Variants in ZNF316 observed in about 807,000 individuals in gnomAD.
ZNF316 encodes the protein zinc finger protein 316.
Under a neutral mutation model 75.6 loss-of-function variants are expected in ZNF316, and 23 were observed. That is an observed-to-expected ratio of 0.30 (90% CI 0.22 to 0.43). ZNF316 has a LOEUF of 0.43. ZNF316 is among the 20% of genes least tolerant of loss of function. The probability of loss-of-function intolerance (pLI) is 1.00; values close to 1 mark genes in which losing one functional copy is unlikely to be tolerated. For missense variants in ZNF316, 1,266 were observed against 1,409.4 expected (o/e 0.90, Z 1.63); for synonymous variants, 827 against 666.2 (o/e 1.24, Z -3.72).
intron 8 of ZNF316, 56 bp from the exon 9 acceptor site, chr7:6,652,247 A>G: frequency 8.1e-7 from 1 of 1,230,736 alleles, no homozygotes; most frequent in Non-Finnish European, 1.0e-6. Flanking sequence ...AACCTGCCAG[A>G]GGCTCCTGTC....
chr7:6,648,915 C>T (rs1583444438), intron 8 of ZNF316, among the ~76,000 whole-genome samples: 1 of 152,078 alleles, frequency 6.6e-6, no homozygotes, highest in Non-Finnish European at 1.5e-5. Context: ...GCAGCTGTGC[C>T]TGGTGCTGAT....
Position 6,642,961 on chromosome 7 carries a change from C to A in ZNF316, c.356-3C>A. The stretch of plus-strand genomic sequence containing the variant: ...GCTGGCCCTAAGAGATCTCTCCCCA[C>A]AGGCCTGCAGGCCTCCCGGGCTCCA... On this transcript the variant is annotated splice_region_variant and splice_polypyrimidine_tract_variant and intron_variant, in intron 5 of 8. Transcript: ENST00000382252. The surrounding 1 kb of genome is among the most constrained non-coding windows in gnomAD (Gnocchi z 8.1). The A allele has an allele frequency of 8.1e-7, 1 of 1,232,510 alleles. No individual in the cohort carries two copies. Among genetic ancestry groups the A allele is most frequent in the Non-Finnish European group, 1.0e-6 (1 of 988,354 alleles). 76.3% of individuals were successfully genotyped at this position (1,232,510 alleles called of 1,614,324 possible).
chr7:6,642,773 AG>A lies in ZNF316; in HGVS notation c.355+10del. On this transcript the variant is annotated intron_variant, in intron 5 of 8. Transcript: ENST00000382252. This position sits in a 1 kb window ranked among gnomAD's most constrained non-coding sequence, Gnocchi z 8.1. ...AGTTCTTCAGGAAAAGGGTAAGAAA[AG>A]CAGCCAGCCTTGGGGAGGAGATGAA... 1.6e-6 allele frequency: 2 copies of A among 1,233,450 alleles called. No homozygotes were observed. Among genetic ancestry groups the A allele is most frequent in the Non-Finnish European group, 2.0e-6 (2 of 988,988 alleles). 76.4% of individuals were successfully genotyped at this position (1,233,450 alleles called of 1,614,324 possible). A position where few individuals can be genotyped will look rare whatever the true frequency, so the allele number is the denominator to read the frequency against.
At chr7:6,644,347 A>G (rs1399130359) in intron 7 of ZNF316, 133 bp from the exon 8 acceptor site, 3 of 441,720 alleles carry the variant, frequency 6.8e-6, no homozygotes, top group Non-Finnish European at 1.1e-5. Context: ...TGGACCCTCC[A>G]GAGCAGGGGT....
Position 6,654,291 on chromosome 7 carries a change from C to A in ZNF316, c.2695C>A (p.Arg899Ser). The A allele has an allele frequency of 1.6e-6, 2 of 1,223,774 alleles. No homozygotes were observed. The highest frequency in any genetic ancestry group is 2.0e-6 in the Non-Finnish European group (2 of 982,376). 75.8% of individuals were successfully genotyped at this position (1,223,774 alleles called of 1,614,324 possible). ...CPECGKRFSQ[R>S]SVLVTHQRTH... ...TGAGTGCGGCAAGCGCTTTTCGCAG[C>A]GCTCGGTGCTGGTCACGCACCAGCG... Residue 899 changes from arginine to serine, a missense_variant, in exon 9 of 9, where the codon CGC (arginine) becomes AGC (serine). Arg to Ser is a moderately radical substitution (Grantham distance 110). Transcript: ENST00000382252.
intron 8 of ZNF316, among the ~76,000 whole-genome samples, chr7:6,651,296 G>A (rs545222532): frequency 6.6e-6 from 1 of 152,070 alleles, no homozygotes; most frequent in South Asian, 2.1e-4. Flanking sequence ...GTTGCGGTGG[G>A]CCGAGATTCG....
Position 6,657,820 on chromosome 7 carries a change from C to A in ZNF316, c.*3209C>A, listed in dbSNP as rs1464922. On this transcript the variant is annotated 3_prime_UTR_variant, in exon 9 of 9. Transcript: ENST00000382252. ...CTCCAGCCTGGGTGACAGAACAAGA[C>A]CCTATCTCACCAAAAAAAAAAAAAA... Among the ~76,000 whole-genome samples the A allele has an allele frequency of 0.16, 21,141 of 132,254 alleles. 3,127 individuals carry two copies. Among genetic ancestry groups the A allele is most frequent in the African/African-American group, 0.39 (13,471 of 34,914 alleles). The allele number at this position is 132,254 out of a possible 152,430, so 86.8% of individuals were successfully genotyped here.
rs1040162176 is a variant in ZNF316 at position 6,649,017 on chromosome 7, G to A, written c.707-3286G>A. Among the ~76,000 whole-genome samples the A allele has an allele frequency of 1.2e-4, 18 of 152,280 alleles. 2 individuals carry two copies. The highest frequency in any genetic ancestry group is 5.2e-4 in the Admixed American group (8 of 15,300). The stretch of plus-strand genomic sequence containing the variant: ...CATTCCCTTGCACCCAGCCTGCTGG[G>A]GTGGTCTCCCTCTCCATCAGCTCCT... On this transcript the variant is annotated intron_variant, in intron 8 of 8. Transcript: ENST00000382252.
In ZNF316 at chr7:6,655,788, G is replaced by GT. The variant is rs1015713264; in HGVS notation, c.*1177_*1178insT. 6.6e-6 allele frequency: 1 copy of GT among 152,164 alleles called. No individual in the cohort carries two copies. Among genetic ancestry groups the GT allele is most frequent in the African/African-American group, 2.4e-5 (1 of 41,404 alleles). 9.4% of individuals were successfully genotyped at this position (152,164 alleles called of 1,614,324 possible). ...TTGCACAGTGGCTGTCCACCTCGGG[G>GT]GGGTGTGGACCTGAGCCGTGGCTCA... is the stretch of plus-strand genomic sequence containing the variant. On this transcript the variant is annotated 3_prime_UTR_variant, in exon 9 of 9. Transcript: ENST00000382252.
rs1029955472 is a variant in ZNF316 at position 6,654,684 on chromosome 7, C to G, written c.*73C>G. ...CCCTTGGACGGCCGGCCCCCCGCTC[C>G]TCGGGCCCCGGGAGGCTGAGGGTCC... is the stretch of plus-strand genomic sequence containing the variant. On this transcript the variant is annotated 3_prime_UTR_variant, in exon 9 of 9. Transcript: ENST00000382252. The G allele has an allele frequency of 1.8e-6, 2 of 1,125,342 alleles. No individual in the cohort carries two copies. Among genetic ancestry groups the G allele is most frequent in the Non-Finnish European group, 2.2e-6 (2 of 916,496 alleles). The allele number at this position is 1,125,342 out of a possible 1,614,324, so 69.7% of individuals were successfully genotyped here. A position where few individuals can be genotyped will look rare whatever the true frequency, so the allele number is the denominator to read the frequency against.
At chr7:6,644,946 G>A (rs1359078453) in intron 8 of ZNF316, among the ~76,000 whole-genome samples, 5 of 152,234 alleles carry the variant, frequency 3.3e-5, no homozygotes, top group Admixed American at 6.5e-5. Context: ...CACAGTGCTA[G>A]CCGTTCCTCC....
At chr7:6,643,767 G>A (rs1379512833) in intron 6 of ZNF316, 55 bp from the exon 7 acceptor site, 17 of 1,231,488 alleles carry the variant, frequency 1.4e-5, no homozygotes, top group East Asian at 9.5e-5. Context: ...TCAATCTTCC[G>A]TGGCTCTTTG....
At position 6,653,453 on chromosome 7, in the gene ZNF316, C is replaced by G; in HGVS notation, c.1857C>G (p.Pro619=). Residue 619 remains proline (P), a synonymous_variant, in exon 9 of 9, where the codon CCC becomes CCG. Transcript: ENST00000382252. ...HPDSFPILGL[P]DFRERLPVDG... is the part of the protein sequence containing the mutation. Reference sequence around the variant, plus strand: ...ACAGCTTCCCGATCCTGGGCCTACCCGACTTCCGAGAGCGGCTGCCGGTCG... The same window carrying G: ...ACAGCTTCCCGATCCTGGGCCTACCGGACTTCCGAGAGCGGCTGCCGGTCG... 8.1e-7 allele frequency: 1 copy of G among 1,227,702 alleles called. No individual in the cohort carries two copies. Among genetic ancestry groups the G allele is most frequent in the Non-Finnish European group, 1.0e-6 (1 of 985,708 alleles). 76.1% of individuals were successfully genotyped at this position (1,227,702 alleles called of 1,614,324 possible).
At position 6,653,006 on chromosome 7, in the gene ZNF316, G is replaced by A. The variant is rs1369777349; in HGVS notation, c.1410G>A (p.Ser470=). The change falls in exon 9 of 9, where the codon TCG becomes TCA. Residue 470 remains serine (S), a synonymous_variant. Coordinates refer to ENST00000382252, the MANE Select transcript of ZNF316 (RefSeq NM_001278559.2). ...GCGGCCGCAGCTTCAGCCAGAGCTC[G>A]GCGCTGGCACGGCACCAGGCGGTGC... ...SHCGRSFSQS[S]ALARHQAVHT... 2.1e-4 allele frequency: 262 copies of A among 1,229,222 alleles called. No homozygotes were observed. The highest frequency in any genetic ancestry group is 6.4e-4 in the South Asian group (16 of 24,964). The allele number at this position is 1,229,222 out of a possible 1,614,324, so 76.1% of individuals were successfully genotyped here.
At chr7:6,648,338 G>C (rs978253549) in intron 8 of ZNF316, among the ~76,000 whole-genome samples, 15 of 152,154 alleles carry the variant, frequency 9.9e-5, no homozygotes, top group Non-Finnish European at 2.9e-5. Flanking sequence ...AAAGGCCTTG[G>C]TGGGGATCTG....
rs1029831531 is a variant in ZNF316, at chr7:6,657,064, G to A, written c.*2453G>A. 4.6e-5 allele frequency among the ~76,000 whole-genome samples: 7 copies of A among 152,040 alleles called. No individual in the cohort carries two copies. The highest frequency in any genetic ancestry group is 8.8e-5 in the Non-Finnish European group (6 of 68,018). Reference sequence around the variant, plus strand: ...GGCTGGAGTGCAGGGCGTGATCTCGGCTCACTGCAACCTCTGCCTCCCAGG... The same window carrying A: ...GGCTGGAGTGCAGGGCGTGATCTCGACTCACTGCAACCTCTGCCTCCCAGG... On this transcript the variant is annotated 3_prime_UTR_variant, in exon 9 of 9. Coordinates refer to ENST00000382252, the MANE Select transcript of ZNF316 (RefSeq NM_001278559.2).
In ZNF316 at chr7:6,653,729, C is replaced by T; in HGVS notation, c.2133C>T (p.Arg711=). The T allele has an allele frequency of 2.7e-5, 30 of 1,100,484 alleles. No homozygotes were observed. The highest frequency in any genetic ancestry group is 3.3e-5 in the Non-Finnish European group (30 of 902,318). The allele number at this position is 1,100,484 out of a possible 1,614,324, so 68.2% of individuals were successfully genotyped here. A position where few individuals can be genotyped will look rare whatever the true frequency, so the allele number is the denominator to read the frequency against. ...GRRAALAKHQ[R]YHAGERPHRC... is the part of the protein sequence containing the mutation. The stretch of plus-strand genomic sequence containing the variant: ...GGGCCGCGCTGGCCAAGCACCAGCG[C>T]TACCACGCGGGCGAGCGGCCGCATC... Residue 711 remains arginine, a synonymous_variant, in exon 9 of 9, where the codon CGC becomes CGT. Coordinates refer to ENST00000382252, the MANE Select transcript of ZNF316 (RefSeq NM_001278559.2).
chr7:6,645,654 G>T (rs1338963633), intron 8 of ZNF316, among the ~76,000 whole-genome samples: 1 of 146,390 alleles, frequency 6.8e-6, no homozygotes, highest in Non-Finnish European at 1.5e-5. Context: ...ACTGCACTCC[G>T]GCCTGGGTGA....
At chr7:6,638,673 G>A (rs1779261394) in intron 2 of ZNF316, among the ~76,000 whole-genome samples, 2 of 152,142 alleles carry the variant, frequency 1.3e-5, no homozygotes, top group South Asian at 4.1e-4. Flanking sequence ...GGTGGCTCAC[G>A]CCTGTAATCC....
Sources: allele counts gnomAD v4.1 joint callset (sites outside exome capture counted in the v4.1 genomes callset), GRCh38; gene constraint gnomAD v4.1.1; non-coding constraint Gnocchi (gnomAD v3.1); transcripts MANE v1.5; gene names NCBI Gene and HGNC (gene_info 2026-07-23, HGNC 2026-07-21).